GRK3: variants seen among roughly 807,000 people sequenced by gnomAD.
GRK3 encodes the protein G protein-coupled receptor kinase 3.
In GRK3, 54 loss-of-function variants were observed where a neutral mutation model predicts 95.7. The observed-to-expected ratio is 0.56, with a 90% CI of 0.45 to 0.71. GRK3 has a LOEUF of 0.71. Among genes scored for constraint, GRK3 ranks in the 30% least tolerant of loss-of-function variants. The pLI is 0.00. For missense variants in GRK3, 649 were observed against 851.2 expected (o/e 0.76, Z 2.96); for synonymous variants, 281 against 290.8 (o/e 0.97, Z 0.34).
At chr22:25,669,884 G>A (rs1166449472) in intron 6 of GRK3, among the ~76,000 whole-genome samples, 1 of 152,218 alleles carries the variant, frequency 6.6e-6, no homozygotes, top group Non-Finnish European at 1.5e-5. Flanking sequence ...AAGACAGTAA[G>A]AGCTAGCCTC....
intron 2 of GRK3, among the ~76,000 whole-genome samples, chr22:25,644,069 TAGTG>T (rs754688477): frequency 9.9e-5 from 15 of 151,630 alleles, no homozygotes; most frequent in African/African-American, 2.9e-4. Flanking sequence ...GACTTGGAAA[TAGTG>T]AGTGAGTGGC....
chr22:25,699,621 C>T (rs1327172904), intron 13 of GRK3, among the ~76,000 whole-genome samples: 3 of 152,186 alleles, frequency 2.0e-5, no homozygotes, highest in Admixed American at 6.5e-5. Flanking sequence ...CCTCCCTCCT[C>T]CCACAGCTGT....
At chr22:25,624,161 G>C (rs544468807) in intron 2 of GRK3, among the ~76,000 whole-genome samples, 1 of 152,038 alleles carries the variant, frequency 6.6e-6, no homozygotes, top group South Asian at 2.1e-4. Context: ...GTGAACATGC[G>C]TCATGCTCCT....
At chr22:25,596,632 G>C (rs2084374255) in intron 1 of GRK3, among the ~76,000 whole-genome samples, 9 of 152,202 alleles carry the variant, frequency 5.9e-5, no homozygotes. Flanking sequence ...TCTATGCACT[G>C]TTACAATTAG....
At chr22:25,702,900 C>T (rs1026281061) in intron 13 of GRK3, 4 of 455,858 alleles carry the variant, frequency 8.8e-6, no homozygotes, top group Admixed American at 2.4e-5. Context: ...CAACAAGTCA[C>T]AACTTGAACC....
At chr22:25,684,230 T>C (rs1373927728) in intron 9 of GRK3, among the ~76,000 whole-genome samples, 1 of 152,266 alleles carries the variant, frequency 6.6e-6, no homozygotes, top group Non-Finnish European at 1.5e-5. Flanking sequence ...GTCCTTGGGC[T>C]AATACCACAC....
At chr22:25,678,284 C>T (rs1371449394) in intron 8 of GRK3, among the ~76,000 whole-genome samples, 2 of 152,104 alleles carry the variant, frequency 1.3e-5, no homozygotes, top group Non-Finnish European at 2.9e-5. Context: ...GAAACCCCAT[C>T]TCTACTAAAA....
At chr22:25,671,125 G>A (rs1034383983) in intron 6 of GRK3, among the ~76,000 whole-genome samples, 5 of 151,638 alleles carry the variant, frequency 3.3e-5, no homozygotes, top group South Asian at 2.1e-4. Flanking sequence ...AGGCTGAGGC[G>A]GGCGGATCAC....
At position 25,726,352 on chromosome 22, in the gene GRK3, T is replaced by C. The variant is rs1234855689; in HGVS notation, c.*3902T>C. 1 of 152,246 alleles carries C rather than the reference T, an allele frequency of 6.6e-6. No homozygotes were observed. The highest frequency in any genetic ancestry group is 1.5e-5 in the Non-Finnish European group (1 of 68,044). 9.4% of individuals were successfully genotyped at this position (152,246 alleles called of 1,614,324 possible). ...TCAAAGTCTGGCCTCTTTAGCATGATGTAAACCTATAGAAATGCTTTGAAA... is the reference window on the plus strand; with the variant it reads ...TCAAAGTCTGGCCTCTTTAGCATGACGTAAACCTATAGAAATGCTTTGAAA... On this transcript the variant is annotated 3_prime_UTR_variant, in exon 21 of 21. Transcript: ENST00000324198.
chr22:25,589,424 T>G (rs898573220), intron 1 of GRK3, among the ~76,000 whole-genome samples: 6 of 152,190 alleles, frequency 3.9e-5, no homozygotes, highest in Non-Finnish European at 7.3e-5. Context: ...CAATATTTAT[T>G]ATACTTACCA....
chr22:25,668,180 A>T (rs911019781), intron 6 of GRK3, among the ~76,000 whole-genome samples: 11 of 152,240 alleles, frequency 7.2e-5, no homozygotes, highest in African/African-American at 2.4e-4. Context: ...CCTGTACTTG[A>T]TTCTTCATGT....
intron 2 of GRK3, among the ~76,000 whole-genome samples, chr22:25,620,004 TTTTGTGTGTG>T (rs1161433071): frequency 0.014 from 1,628 of 120,526 alleles, 71 homozygotes; most frequent in African/African-American, 0.044. Context: ...CCTTTGTCTT[TTTTGTGTGTG>T]TGTGTGTGTG....
At chr22:25,604,644 A>C (rs2084431814) in intron 2 of GRK3, among the ~76,000 whole-genome samples, 191 bp downstream of exon 2, 1 of 152,220 alleles carries the variant, frequency 6.6e-6, no homozygotes, top group Non-Finnish European at 1.5e-5. Flanking sequence ...TCTATGATTA[A>C]GCTCTTGGGA....
chr22:25,668,393 T>C (rs2084956832), intron 6 of GRK3, among the ~76,000 whole-genome samples: 1 of 152,248 alleles, frequency 6.6e-6, no homozygotes, highest in South Asian at 2.1e-4. Context: ...TTTATCAGCT[T>C]GGCTAATTTC....
rs1474086567 is a variant in GRK3, at chr22:25,695,005, C to T, written c.1053-102C>T. The T allele has an allele frequency of 9.9e-6, 7 of 707,816 alleles. No individual in the cohort carries two copies. The South Asian group carries it at 1.4e-4, about 14-fold the overall frequency. 43.8% of individuals were successfully genotyped at this position (707,816 alleles called of 1,614,324 possible). ...ACAACTGTCCCCTCTCCTTTGTTTA[C>T]AGTCGCTGCCATCTAATGAAGGACA... On this transcript the variant is annotated intron_variant, in intron 12 of 20. Coordinates refer to ENST00000324198, the MANE Select transcript of GRK3 (RefSeq NM_005160.4).
chr22:25,695,119 G>C lies in GRK3; in HGVS notation c.1065G>C (p.Gly355=), dbSNP rs1337826041. The C allele has an allele frequency of 2.5e-6, 4 of 1,613,676 alleles. No homozygotes were observed. The Admixed American group carries it at 6.7e-5, about 27-fold the overall frequency. ...KKPHASVGTH[G]YMAPEVLQKG... ...TTCTTCTCCCTAGTGGCACCCATGG[G>C]TACATGGCTCCCGAGGTGCTGCAGA... The change falls in exon 13 of 21, where the codon GGG becomes GGC. Residue 355 remains glycine (G), a synonymous_variant. Coordinates refer to ENST00000324198, the MANE Select transcript of GRK3 (RefSeq NM_005160.4).
chr22:25,718,834 A>T (rs2085407455), intron 19 of GRK3, among the ~76,000 whole-genome samples: 1 of 152,242 alleles, frequency 6.6e-6, no homozygotes, highest in South Asian at 2.1e-4. Context: ...CTCCATATCC[A>T]CAGATCCCCA....
At chr22:25,586,442 C>T (rs1193067829) in intron 1 of GRK3, among the ~76,000 whole-genome samples, 2 of 152,414 alleles carry the variant, frequency 1.3e-5, no homozygotes, top group East Asian at 3.8e-4. Context: ...GCTTATTTCA[C>T]ATTGCATGTC....
intron 13 of GRK3, among the ~76,000 whole-genome samples, chr22:25,700,324 A>T (rs1003665179): frequency 1.3e-5 from 2 of 152,130 alleles, no homozygotes; most frequent in African/African-American, 4.8e-5. Context: ...TGCCATCATG[A>T]TCTTCACCTA....
Sources: allele counts gnomAD v4.1 joint callset (sites outside exome capture counted in the v4.1 genomes callset), GRCh38; gene constraint gnomAD v4.1.1; transcripts MANE v1.5; gene names NCBI Gene and HGNC (gene_info 2026-07-23, HGNC 2026-07-21).